The following CTNNA3 variants were observed in gnomAD, a reference collection of about 807,000 sequenced individuals.
The protein encoded by CTNNA3 is catenin alpha-3.
In CTNNA3, 76 loss-of-function variants were observed where a neutral mutation model predicts 95.7. The observed-to-expected ratio is 0.79, with a 90% CI of 0.66 to 0.96. CTNNA3 has a LOEUF of 0.96. CTNNA3 is among the 40% of genes least tolerant of loss of function. CTNNA3 has a pLI of 0.00. For synonymous variants in CTNNA3, 431 were observed against 374.4 expected, an observed-to-expected ratio of 1.15 and a Z score of -1.74; for missense variants, 1,191 against 1,089.8, an observed-to-expected ratio of 1.09 and a Z score of -1.31.
At chr10:67,367,642 A>C (rs1843265245) in intron 5 of CTNNA3, among the ~76,000 whole-genome samples, 1 of 152,208 alleles carries the variant, frequency 6.6e-6, no homozygotes, top group African/African-American at 2.4e-5. Flanking sequence ...ACTATTCACA[A>C]TAGCAAAGAC....
intron 13 of CTNNA3, among the ~76,000 whole-genome samples, chr10:66,184,653 T>C (rs1438717626): frequency 6.6e-6 from 1 of 152,210 alleles, no homozygotes; most frequent in African/African-American, 2.4e-5. Flanking sequence ...CTGTTCTCAT[T>C]GGAACAACGT....
chr10:66,059,989 A>G (rs7081880), intron 15 of CTNNA3, among the ~76,000 whole-genome samples: 44,543 of 151,902 alleles, frequency 0.29, 7,040 homozygotes, highest in South Asian at 0.43. Flanking sequence ...TTTTGCAAAG[A>G]TAATATACTG....
At chr10:66,073,728 T>C (rs1187239670) in intron 14 of CTNNA3, among the ~76,000 whole-genome samples, 2 of 152,122 alleles carry the variant, frequency 1.3e-5, no homozygotes. Flanking sequence ...CTTCTTGCTT[T>C]GCTACTGCTT....
At position 67,350,845 on chromosome 10, in the gene CTNNA3, G is replaced by A. The variant is rs1490486091; in HGVS notation, c.580-130975C>T. On this transcript the variant is annotated intron_variant, in intron 5 of 17. Coordinates refer to ENST00000433211, the MANE Select transcript of CTNNA3 (RefSeq NM_013266.4). Reference sequence around the variant, plus strand: ...TATTACCCAAAAATCCTACTTCTAGGTATTTACCCAAGTGAAAACCTCTAT... The same window carrying A: ...TATTACCCAAAAATCCTACTTCTAGATATTTACCCAAGTGAAAACCTCTAT... Among the ~76,000 whole-genome samples the A allele has an allele frequency of 2.9e-5, 4 of 138,250 alleles. No homozygotes were observed. In the East Asian group the frequency reaches 6.5e-4, roughly 23 times the overall value. The allele number at this position is 138,250 out of a possible 152,430, so 90.7% of individuals were successfully genotyped here. A position where few individuals can be genotyped will look rare whatever the true frequency, so the allele number is the denominator to read the frequency against.
chr10:66,799,023 A>C (rs944855860), intron 7 of CTNNA3, among the ~76,000 whole-genome samples: 1 of 151,680 alleles, frequency 6.6e-6, no homozygotes, highest in Non-Finnish European at 1.5e-5. Context: ...ATGTAGAGTA[A>C]AAAGGAAAAG....
At position 65,920,194 on chromosome 10, in the gene CTNNA3, T is replaced by C. The variant is rs1589128998; in HGVS notation, c.*136A>G. On this transcript the variant is annotated 3_prime_UTR_variant, in exon 18 of 18. Coordinates refer to ENST00000433211, the MANE Select transcript of CTNNA3 (RefSeq NM_013266.4). ...CAAATATATATTGCTTTTGTTGATT[T>C]AGCGCCCAATATTTTATGTTATTTG... 1 of 724,070 alleles carries C rather than the reference T, an allele frequency of 1.4e-6. No homozygotes were observed. The allele number at this position is 724,070 out of a possible 1,614,324, so 44.9% of individuals were successfully genotyped here.
chr10:67,473,784 A>T (rs944429480), intron 5 of CTNNA3, among the ~76,000 whole-genome samples: 5 of 152,260 alleles, frequency 3.3e-5, no homozygotes, highest in Non-Finnish European at 5.9e-5. Context: ...TTTACATTTT[A>T]TAGGTATAAT....
intron 9 of CTNNA3, among the ~76,000 whole-genome samples, chr10:66,739,689 C>G (rs1158602222): frequency 1.3e-5 from 2 of 151,968 alleles, no homozygotes; most frequent in East Asian, 3.9e-4. Context: ...ATTGTTAAGA[C>G]TAATTTGTAA....
At chr10:67,194,902 A>T (rs1189847199) in intron 6 of CTNNA3, among the ~76,000 whole-genome samples, 1 of 152,028 alleles carries the variant, frequency 6.6e-6, no homozygotes, top group African/African-American at 2.4e-5. Context: ...TAAGAAAAAA[A>T]TTAGTATTAC....
chr10:66,736,412 C>T (rs902761771), intron 9 of CTNNA3, among the ~76,000 whole-genome samples: 3 of 151,520 alleles, frequency 2.0e-5, no homozygotes, highest in Non-Finnish European at 2.9e-5. Context: ...AGGCTGGTCT[C>T]GAACTCCTGA....
At chr10:66,150,221 CT>C (rs112136325) in intron 13 of CTNNA3, among the ~76,000 whole-genome samples, 7,274 of 152,262 alleles carry the variant, frequency 0.048, 215 homozygotes, top group African/African-American at 0.066. Context: ...CTCATGAGAT[CT>C]GATGGTTTTA....
chr10:66,695,141 G>A (rs1236579686), intron 9 of CTNNA3, among the ~76,000 whole-genome samples: 2 of 152,154 alleles, frequency 1.3e-5, no homozygotes, highest in African/African-American at 4.8e-5. Context: ...ATATTTCAAG[G>A]GATTTCTTTT....
chr10:66,401,992 G>C (rs528063068), intron 11 of CTNNA3, among the ~76,000 whole-genome samples: 2 of 151,916 alleles, frequency 1.3e-5, no homozygotes, highest in African/African-American at 4.8e-5. Context: ...TAGAAATTTA[G>C]TTGTAAATAG....
chr10:67,093,372 T>C (rs770756954), intron 7 of CTNNA3, among the ~76,000 whole-genome samples: 1 of 151,886 alleles, frequency 6.6e-6, no homozygotes, highest in Non-Finnish European at 1.5e-5. Context: ...AAGCATAAAT[T>C]GGGACTGTAC....
At chr10:67,181,823 T>G (rs1043208035) in intron 6 of CTNNA3, among the ~76,000 whole-genome samples, 8 of 151,878 alleles carry the variant, frequency 5.3e-5, no homozygotes, top group African/African-American at 1.9e-4. Context: ...GAAAAAGATA[T>G]AGTTTTAAAA....
intron 1 of CTNNA3, among the ~76,000 whole-genome samples, chr10:67,671,842 C>T (rs1005230028): frequency 1.3e-5 from 2 of 151,902 alleles, no homozygotes; most frequent in Admixed American, 6.6e-5. Context: ...GTCTTTATAG[C>T]AGCATGATTT....
rs111703709 is a variant in CTNNA3, at chr10:66,611,465, G to A, written c.1374+10227C>T. On this transcript the variant is annotated intron_variant, in intron 10 of 17. Transcript: ENST00000433211. Reference sequence around the variant, plus strand: ...AGAAAAAAATAACTGATAGTAAAAAGAATGGTAGGACTTTATGGTAAAAAG... The same window carrying A: ...AGAAAAAAATAACTGATAGTAAAAAAAATGGTAGGACTTTATGGTAAAAAG... Among the ~76,000 whole-genome samples the A allele has an allele frequency of 6.9e-3, 1,054 of 152,106 alleles. 16 individuals are homozygous for A. Among genetic ancestry groups the A allele is most frequent in the African/African-American group, 0.024 (1,010 of 41,496 alleles).
intron 5 of CTNNA3, among the ~76,000 whole-genome samples, chr10:67,378,249 T>G (rs2132722698): frequency 6.6e-6 from 1 of 152,300 alleles, no homozygotes; most frequent in East Asian, 1.9e-4. Flanking sequence ...TTTTAAAATT[T>G]TAACTTGTTA....
intron 6 of CTNNA3, among the ~76,000 whole-genome samples, chr10:67,212,584 AC>A (rs1864182196): frequency 1.3e-5 from 2 of 151,950 alleles, no homozygotes; most frequent in Non-Finnish European, 2.9e-5. Context: ...TATGAAGTTT[AC>A]TGTAGAATTT....
Sources: allele counts gnomAD v4.1 joint callset (sites outside exome capture counted in the v4.1 genomes callset), GRCh38; gene constraint gnomAD v4.1.1; transcripts MANE v1.5; gene names NCBI Gene and HGNC (gene_info 2026-07-23, HGNC 2026-07-21).